Variants in LNPEP observed in about 807,000 individuals in gnomAD.
The protein encoded by LNPEP is leucyl and cystinyl aminopeptidase, also known as leucyl-cystinyl aminopeptidase.
A neutral mutation model predicts 120.6 loss-of-function variants in LNPEP; 64 were observed. The observed-to-expected ratio is 0.53, with a 90% CI of 0.43 to 0.65. The LOEUF (loss-of-function observed/expected upper bound fraction) is 0.65, where lower values mean the gene tolerates loss of function less well. Ranked by LOEUF, LNPEP falls within the 30% of genes least tolerant of loss-of-function variation. The pLI is 0.00. For synonymous variants in LNPEP, 435 were observed against 425.4 expected, an observed-to-expected ratio of 1.02 and a Z score of -0.28; for missense variants, 1,057 against 1,200.0, an observed-to-expected ratio of 0.88 and a Z score of 1.76.
rs2112679797 is a variant in LNPEP at position 97,030,042 on chromosome 5, G to A, written c.*1509G>A. On this transcript the variant is annotated 3_prime_UTR_variant, in exon 18 of 18. Coordinates refer to ENST00000231368, the MANE Select transcript of LNPEP (RefSeq NM_005575.3). ...AAAACACTCCACAGAGTCAGACAGTGGGAAAGGTCACCCTTTTTTTATTCG... is the reference window on the plus strand; with the variant it reads ...AAAACACTCCACAGAGTCAGACAGTAGGAAAGGTCACCCTTTTTTTATTCG... 1 of 152,106 alleles carries A rather than the reference G, an allele frequency of 6.6e-6. No homozygotes were observed. The highest frequency in any genetic ancestry group is 2.1e-4 in the South Asian group (1 of 4,822). 9.4% of individuals were successfully genotyped at this position (152,106 alleles called of 1,614,324 possible). A position where few individuals can be genotyped will look rare whatever the true frequency, so the allele number is the denominator to read the frequency against.
chr5:96,936,196 CG>C, intron 1 of LNPEP, 22 bp downstream of exon 1: 2 of 1,433,052 alleles, frequency 1.4e-6, no homozygotes, highest in Non-Finnish European at 1.8e-6. Flanking sequence ...GCCGAGGCGC[CG>C]GGACCCGGGC....
At chr5:96,989,405 A>G (rs59913349) in intron 4 of LNPEP, among the ~76,000 whole-genome samples, 3 of 23,804 alleles carry the variant, frequency 1.3e-4, no homozygotes, top group African/African-American at 4.7e-4. Flanking sequence ...ATTATATATT[A>G]TATATAATAT....
chr5:97,003,684 A>G (rs1415415968), intron 9 of LNPEP, 138 bp downstream of exon 9: 5 of 477,050 alleles, frequency 1.0e-5, no homozygotes, highest in South Asian at 5.8e-5. Flanking sequence ...GGAGCTTGCT[A>G]TATAAATATT....
intron 1 of LNPEP, among the ~76,000 whole-genome samples, chr5:96,973,018 C>T (rs902850758): frequency 7.9e-5 from 12 of 152,030 alleles, no homozygotes; most frequent in South Asian, 2.1e-4. Context: ...GTAATGCATG[C>T]GGGACTTTAC....
At chr5:97,006,270 C>T (rs1790780084) in intron 10 of LNPEP, 37 bp downstream of exon 10, 1 of 1,535,428 alleles carries the variant, frequency 6.5e-7, no homozygotes, top group East Asian at 2.3e-5. Flanking sequence ...ATCTCTTTTG[C>T]ACTCTCAGGT....
At chr5:96,998,742 T>C (rs1479108537) in intron 8 of LNPEP, among the ~76,000 whole-genome samples, 1 of 152,116 alleles carries the variant, frequency 6.6e-6, no homozygotes, top group African/African-American at 2.4e-5. Flanking sequence ...ACACAAAATG[T>C]GTGAGATACA....
chr5:96,974,315 C>T (rs930913901), intron 1 of LNPEP, among the ~76,000 whole-genome samples: 7 of 152,148 alleles, frequency 4.6e-5, no homozygotes, highest in Non-Finnish European at 8.8e-5. Flanking sequence ...TGAAGGCTCT[C>T]TGCTGTTTTG....
intron 8 of LNPEP, among the ~76,000 whole-genome samples, chr5:96,998,395 AT>A (rs1790569171): frequency 1.3e-5 from 2 of 152,250 alleles, no homozygotes; most frequent in Admixed American, 1.3e-4. Context: ...ATAGCGATGC[AT>A]CTTTTAAAGT....
At chr5:97,012,753 C>T (rs1054846180) in intron 11 of LNPEP, among the ~76,000 whole-genome samples, 5 of 152,100 alleles carry the variant, frequency 3.3e-5, no homozygotes, top group Non-Finnish European at 7.4e-5. Flanking sequence ...TAACTCTCAG[C>T]GCTTCATTAT....
intron 13 of LNPEP, among the ~76,000 whole-genome samples, chr5:97,016,683 G>A (rs1001052229): frequency 2.0e-5 from 3 of 152,028 alleles, no homozygotes; most frequent in Admixed American, 2.0e-4. Context: ...CAAGTGACTG[G>A]CCCACATCTA....
chr5:96,975,207 A>G (rs1189974911), intron 1 of LNPEP, among the ~76,000 whole-genome samples: 1 of 152,138 alleles, frequency 6.6e-6, no homozygotes, highest in Non-Finnish European at 1.5e-5. Flanking sequence ...AACTCTATTA[A>G]TCAAACATCT....
Position 96,954,735 on chromosome 5 carries a change from CAT to C in LNPEP, c.19+18571_19+18572del, listed in dbSNP as rs1300956480. On this transcript the variant is annotated intron_variant, in intron 1 of 17. Coordinates refer to ENST00000231368, the MANE Select transcript of LNPEP (RefSeq NM_005575.3). ...ACACATATATATACATATATATATA[CAT>C]ATATATATACACATATATATATATA... Among the ~76,000 whole-genome samples, 5 of 69,674 alleles carry C rather than the reference CAT, an allele frequency of 7.2e-5. 1 individual carries two copies. Among genetic ancestry groups the C allele is most frequent in the African/African-American group, 1.2e-4 (2 of 16,950 alleles). 45.7% of individuals were successfully genotyped at this position (69,674 alleles called of 152,430 possible).
intron 2 of LNPEP, among the ~76,000 whole-genome samples, chr5:96,983,424 C>T (rs1243030444): frequency 2.0e-5 from 3 of 151,966 alleles, no homozygotes; most frequent in Non-Finnish European, 2.9e-5. Context: ...TATGCTTTTC[C>T]ACCAACCTGT....
At chr5:96,991,260 G>A (rs933690647) in intron 4 of LNPEP, among the ~76,000 whole-genome samples, 8 of 152,182 alleles carry the variant, frequency 5.3e-5, no homozygotes, top group African/African-American at 9.6e-5. Context: ...TTCTATGGCT[G>A]AGTAGTATTC....
chr5:96,997,189 T>G (rs1028529758), intron 7 of LNPEP, among the ~76,000 whole-genome samples: 1 of 152,052 alleles, frequency 6.6e-6, no homozygotes, highest in Non-Finnish European at 1.5e-5. Flanking sequence ...GGTGGGAAAG[T>G]GTAAAGATAC....
intron 1 of LNPEP, among the ~76,000 whole-genome samples, chr5:96,968,861 G>A (rs1789791962): frequency 6.6e-6 from 1 of 152,088 alleles, no homozygotes; most frequent in Non-Finnish European, 1.5e-5. Flanking sequence ...CAGAGGCAGA[G>A]CAGGCACTGT....
intron 1 of LNPEP, among the ~76,000 whole-genome samples, chr5:96,948,120 CTTT>C (rs769737708): frequency 2.8e-5 from 4 of 142,676 alleles, no homozygotes; most frequent in Non-Finnish European, 3.1e-5. Context: ...ACAAATTTCT[CTTT>C]TTTTTTTTTT....
At chr5:96,937,450 T>C (rs920975074) in intron 1 of LNPEP, 5 of 152,234 alleles carry the variant, frequency 3.3e-5, no homozygotes, top group African/African-American at 1.2e-4. Flanking sequence ...TTGTAATTAC[T>C]AAGACTTAAA....
chr5:96,989,275 ATT>A (rs1415408747), intron 4 of LNPEP, among the ~76,000 whole-genome samples: 18 of 138,346 alleles, frequency 1.3e-4, no homozygotes, highest in African/African-American at 4.8e-4. Context: ...TGATATATAT[ATT>A]ATATAATATA....
Sources: gnomAD v4.1 joint callset for allele counts (sites outside exome capture counted in the v4.1 genomes callset) on GRCh38, gnomAD v4.1.1 for gene constraint, MANE v1.5 for transcripts, NCBI Gene and HGNC (gene_info 2026-07-23, HGNC 2026-07-21) for gene names.